CAPN2: variants seen among roughly 807,000 people sequenced by gnomAD.
CAPN2 encodes the protein calpain 2, also known as calpain-2 catalytic subunit.
Under a neutral mutation model 102.3 loss-of-function variants are expected in CAPN2, and 92 were observed. The observed-to-expected ratio is 0.90, with a 90% confidence interval of 0.76 to 1.07. The LOEUF is 1.07. Ranked by LOEUF, CAPN2 falls within the 50% of genes least tolerant of loss-of-function variation. CAPN2 has a pLI of 0.00. For missense variants in CAPN2, 800 were observed against 909.4 expected, an observed-to-expected ratio of 0.88 and a Z score of 1.55; for synonymous variants, 340 against 355.4, an observed-to-expected ratio of 0.96 and a Z score of 0.49.
In CAPN2 at chr1:223,727,480, G is replaced by A. The variant is rs1357347933; in HGVS notation, c.307+9649G>A. On this transcript the variant is annotated intron_variant, in intron 2 of 20. Transcript: ENST00000295006. This position sits in a 1 kb window ranked among gnomAD's most constrained non-coding sequence, Gnocchi z 4.1. ...GGGGGTGCATGGAATGCCCCCAGTT[G>A]AGAACCACTGGCAGAGCAGGAGTGA... Among the ~76,000 whole-genome samples, 4 of 152,170 alleles carry A rather than the reference G, an allele frequency of 2.6e-5. No individual in the cohort carries two copies. Among genetic ancestry groups the A allele is most frequent in the Admixed American group, 6.5e-5 (1 of 15,280 alleles).
chr1:223,761,354 T>G (rs1356534118), intron 12 of CAPN2, among the ~76,000 whole-genome samples: 1 of 152,188 alleles, frequency 6.6e-6, no homozygotes, highest in African/African-American at 2.4e-5. Context: ...AAACTTGGAA[T>G]GCAGAGAAAT....
chr1:223,770,335 A>G (rs968722074), intron 17 of CAPN2, 112 bp from the exon 18 acceptor site: 2 of 683,600 alleles, frequency 2.9e-6, no homozygotes, highest in Non-Finnish European at 5.2e-6. Context: ...TCCACGGCCA[A>G]ACTAGAGGCA....
rs1153961 is a variant in CAPN2 at position 223,754,593 on chromosome 1, C to T, written c.1136-887C>T. 0.1 allele frequency among the ~76,000 whole-genome samples: 15,747 copies of T among 152,238 alleles called. 2,063 individuals are homozygous for T. The highest frequency in any genetic ancestry group is 0.3 in the African/African-American group (12,451 of 41,490). On this transcript the variant is annotated intron_variant, in intron 9 of 20. Transcript: ENST00000295006. This position sits in a 1 kb window ranked among gnomAD's most constrained non-coding sequence, Gnocchi z 4.7. ...ACACAAGATGGTGCCTGTAATTTCACAGTTAGGGTTTTATCCCATTAGGTA... is the reference window on the plus strand; with the variant it reads ...ACACAAGATGGTGCCTGTAATTTCATAGTTAGGGTTTTATCCCATTAGGTA...
intron 6 of CAPN2, 134 bp downstream of exon 6, chr1:223,749,256 G>C (rs1660827665): frequency 8.2e-6 from 6 of 735,866 alleles, no homozygotes; most frequent in Non-Finnish European, 1.4e-5. Flanking sequence ...CACTCCTGAA[G>C]TTCCGCGCGG....
intron 2 of CAPN2, among the ~76,000 whole-genome samples, chr1:223,734,661 C>T (rs753803109): frequency 2.0e-5 from 3 of 152,114 alleles, no homozygotes; most frequent in Non-Finnish European, 4.4e-5. Flanking sequence ...GGCACCCTTT[C>T]GAGGACAAGA....
rs397755860 is a variant in CAPN2 at position 223,726,110 on chromosome 1, T to TTC, written c.307+8279_307+8280insTC. ...TTTGCTACCCCAGCCCAAGCAAGAC[T>TTC]AGTAGTTCAGCTTTGTGAATCCCCT... On this transcript the variant is annotated intron_variant, in intron 2 of 20. Transcript: ENST00000295006. This position sits in a 1 kb window ranked among gnomAD's most constrained non-coding sequence, Gnocchi z 4.4. 0.02 allele frequency among the ~76,000 whole-genome samples: 3 copies of TTC among 148 alleles called. No homozygotes were observed. The highest frequency in any genetic ancestry group is 0.071 in the African/African-American group (3 of 42). The allele number at this position is 148 out of a possible 152,430, so 0.1% of individuals were successfully genotyped here.
chr1:223,730,010 CAAAAAAAAAAAA>C (rs57382658), intron 2 of CAPN2, among the ~76,000 whole-genome samples: 7 of 79,056 alleles, frequency 8.9e-5, no homozygotes, highest in Admixed American at 4.4e-4. Context: ...CCCAAAAAAC[CAAAAAAAAAAAA>C]AAAAAAAAAA....
At position 223,774,861 on chromosome 1, in the gene CAPN2, T is replaced by G; in HGVS notation, c.*4T>G. 1 of 1,613,060 alleles carries G rather than the reference T, an allele frequency of 6.2e-7. No individual in the cohort carries two copies. Among genetic ancestry groups the G allele is most frequent in the Non-Finnish European group, 8.5e-7 (1 of 1,179,342 alleles). ...GCTCTGTTTCTCAGTACTTTGAAGTTATAACTAATCTGCCTGAAGACTTCT... is the reference window on the plus strand; with the variant it reads ...GCTCTGTTTCTCAGTACTTTGAAGTGATAACTAATCTGCCTGAAGACTTCT... On this transcript the variant is annotated 3_prime_UTR_variant, in exon 21 of 21. Transcript: ENST00000295006.
chr1:223,741,177 C>G (rs1394099011), intron 2 of CAPN2, among the ~76,000 whole-genome samples: 3 of 125,620 alleles, frequency 2.4e-5, no homozygotes, highest in African/African-American at 9.0e-5. Flanking sequence ...AGAACGCTTA[C>G]ACGAGCAGAT....
At chr1:223,766,734 C>G (rs1661343359) in intron 16 of CAPN2, among the ~76,000 whole-genome samples, 1 of 152,072 alleles carries the variant, frequency 6.6e-6, no homozygotes, top group African/African-American at 2.4e-5. Context: ...AGGTGGGCCT[C>G]CTGACTCACG....
Position 223,745,456 on chromosome 1 carries a change from C to T in CAPN2, c.560+17C>T, listed in dbSNP as rs1474536861. The stretch of plus-strand genomic sequence containing the variant: ...ATACGCCAAGTAAGTTGCCATCCTC[C>T]CCTGGCCCCATGGCCTTCCCCCAAT... On this transcript the variant is annotated intron_variant, in intron 4 of 20. Coordinates refer to ENST00000295006, the MANE Select transcript of CAPN2 (RefSeq NM_001748.5). 29 of 1,613,996 alleles carry T rather than the reference C, an allele frequency of 1.8e-5. No homozygotes were observed. The highest frequency in any genetic ancestry group is 2.5e-5 in the Non-Finnish European group (29 of 1,179,982).
rs1262229933 is a variant in CAPN2, at chr1:223,770,523, C to T, written c.1901C>T (p.Ala634Val). 1.9e-6 allele frequency: 3 copies of T among 1,608,880 alleles called. No individual in the cohort carries two copies. The highest frequency in any genetic ancestry group is 1.7e-5 in the Admixed American group (1 of 59,934). Reference sequence around the variant, plus strand: ...GAAATGCGGAAGGCATTAGAAGAAGCAGGTAACCCTTTATAACTGCATTTT... The same window carrying T: ...GAAATGCGGAAGGCATTAGAAGAAGTAGGTAACCCTTTATAACTGCATTTT... ...SYEMRKALEE[A>V]GFKMPCQLHQ... Residue 634 changes from alanine (A) to valine (V), a missense_variant and splice_region_variant, in exon 18 of 21, where the codon GCA becomes GTA. By Grantham distance (64) the Ala-to-Val change is moderately conservative. Transcript: ENST00000295006.
chr1:223,747,372 C>A (rs1660775022), intron 5 of CAPN2, among the ~76,000 whole-genome samples: 1 of 152,186 alleles, frequency 6.6e-6, no homozygotes, highest in Admixed American at 6.5e-5. Flanking sequence ...AAATGGCATA[C>A]AAATGTATGA....
At chr1:223,724,449 T>C (rs73121394) in intron 2 of CAPN2, among the ~76,000 whole-genome samples, 22,115 of 152,208 alleles carry the variant, frequency 0.15, 2,281 homozygotes, top group African/African-American at 0.29. Flanking sequence ...TCTGCACTGC[T>C]CCAAACAGCA....
Position 223,755,639 on chromosome 1 carries a change from G to T in CAPN2, c.1295G>T (p.Gly432Val), listed in dbSNP as rs1379196467. 1.3e-6 allele frequency: 2 copies of T among 1,596,732 alleles called. No homozygotes were observed. Among genetic ancestry groups the T allele is most frequent in the Admixed American group, 1.7e-5 (1 of 59,034 alleles). Residue 432 changes from glycine to valine, a missense_variant, in exon 10 of 21, where the codon GGC (glycine) becomes GTC (valine). By Grantham distance (109) the Gly-to-Val change is moderately radical. Transcript: ENST00000295006. This position sits in a 1 kb window ranked among gnomAD's most constrained non-coding sequence, Gnocchi z 4.1. ...GAGGACATGCACACCATCGGCTTTG[G>T]CATCTATGAGGTGCAGAGCGCAGGG... ...MGEDMHTIGFGIYEVPEELSG... is the reference protein window; with the variant it reads ...MGEDMHTIGFVIYEVPEELSG...
Position 223,755,085 on chromosome 1 carries a change from G to A in CAPN2, c.1136-395G>A, listed in dbSNP as rs558619123. On this transcript the variant is annotated intron_variant, in intron 9 of 20. Transcript: ENST00000295006. This position sits in a 1 kb window ranked among gnomAD's most constrained non-coding sequence, Gnocchi z 4.1. ...CCTCTCTCCACAGCTACCGTCACCCGTCTCCAGCCTAACAAAGCCTGCAGT... is the reference window on the plus strand; with the variant it reads ...CCTCTCTCCACAGCTACCGTCACCCATCTCCAGCCTAACAAAGCCTGCAGT... 3.3e-5 allele frequency among the ~76,000 whole-genome samples: 5 copies of A among 152,194 alleles called. No homozygotes were observed. The South Asian group carries it at 6.2e-4, about 19-fold the overall frequency.
intron 2 of CAPN2, among the ~76,000 whole-genome samples, chr1:223,736,943 G>A (rs1034472664): frequency 1.2e-4 from 19 of 152,130 alleles, no homozygotes; most frequent in African/African-American, 4.1e-4. Context: ...ACAAGGTGAG[G>A]TGGGAGGATC....
chr1:223,708,923 G>A (rs1659672613), upstream of CAPN2, among the ~76,000 whole-genome samples: 1 of 152,044 alleles, frequency 6.6e-6, no homozygotes, highest in African/African-American at 2.4e-5. Context: ...AAGAGAGAAA[G>A]ACAATTCCAA....
At chr1:223,765,295 G>A (rs966174935) in intron 15 of CAPN2, among the ~76,000 whole-genome samples, 2 of 152,214 alleles carry the variant, frequency 1.3e-5, no homozygotes, top group Non-Finnish European at 2.9e-5. Context: ...CTCCCAGTGT[G>A]AACCAAGAGG....
Sources: gnomAD v4.1 joint callset for allele counts (sites outside exome capture counted in the v4.1 genomes callset) on GRCh38, gnomAD v4.1.1 for gene constraint, Gnocchi (gnomAD v3.1) non-coding constraint, MANE v1.5 for transcripts, NCBI Gene and HGNC (gene_info 2026-07-23, HGNC 2026-07-21) for gene names.